Variants in GPC5 observed in about 807,000 individuals in gnomAD.
GPC5 encodes the protein glypican-5.
GPC5 carries 47 observed loss-of-function variants against 53.9 expected under a neutral mutation model. That is an observed-to-expected ratio of 0.87 (90% CI 0.69 to 1.11). The LOEUF (loss-of-function observed/expected upper bound fraction) is 1.11, where lower values mean the gene tolerates loss of function less well. GPC5 is among the 50% of genes most tolerant of loss of function. The pLI is 0.00. For missense variants in GPC5, 748 were observed against 713.1 expected (o/e 1.05, Z -0.56); for synonymous variants, 286 against 263.3 (o/e 1.09, Z -0.84).
chr13:92,389,869 A>G (rs1874914286), intron 7 of GPC5, among the ~76,000 whole-genome samples: 1 of 152,194 alleles, frequency 6.6e-6, no homozygotes, highest in Non-Finnish European at 1.5e-5. Flanking sequence ...CATACATTTA[A>G]GAAAGTATAT....
At chr13:92,805,727 T>C (rs1877073198) in intron 7 of GPC5, among the ~76,000 whole-genome samples, 1 of 152,030 alleles carries the variant, frequency 6.6e-6, no homozygotes, top group Non-Finnish European at 1.5e-5. Flanking sequence ...CATGAGACAC[T>C]GTGCCCATCC....
intron 6 of GPC5, among the ~76,000 whole-genome samples, chr13:92,126,099 C>G (rs1194336333): frequency 6.6e-6 from 1 of 151,486 alleles, no homozygotes; most frequent in Non-Finnish European, 1.5e-5. Flanking sequence ...GGATTATAGG[C>G]ACGTGCCACC....
At chr13:92,575,167 G>T (rs1883151402) in intron 7 of GPC5, among the ~76,000 whole-genome samples, 1 of 152,064 alleles carries the variant, frequency 6.6e-6, no homozygotes, top group Non-Finnish European at 1.5e-5. Flanking sequence ...TTGAATAGTG[G>T]CCACCAAAAA....
intron 1 of GPC5, among the ~76,000 whole-genome samples, chr13:91,428,208 C>G (rs1879190990): frequency 6.6e-6 from 1 of 152,110 alleles, no homozygotes; most frequent in Admixed American, 6.5e-5. Flanking sequence ...GAGTTCTTGT[C>G]TCATGACCAA....
At chr13:91,667,543 A>G (rs2035145517) in intron 2 of GPC5, among the ~76,000 whole-genome samples, 1 of 152,180 alleles carries the variant, frequency 6.6e-6, no homozygotes, top group African/African-American at 2.4e-5. Context: ...TTGAAACTCC[A>G]GAGGGGTGGG....
intron 7 of GPC5, among the ~76,000 whole-genome samples, chr13:92,286,545 C>G (rs1306779458): frequency 6.6e-6 from 1 of 152,070 alleles, no homozygotes. Flanking sequence ...CCATGGAATA[C>G]TATACAGCCA....
At chr13:91,804,736 A>C (rs967331515) in intron 5 of GPC5, among the ~76,000 whole-genome samples, 16 of 152,238 alleles carry the variant, frequency 1.1e-4, no homozygotes. Flanking sequence ...ACAAGGCATT[A>C]TGCCATCTTG....
chr13:91,576,136 G>C (rs1178821210), intron 2 of GPC5, among the ~76,000 whole-genome samples: 2 of 151,952 alleles, frequency 1.3e-5, no homozygotes, highest in Non-Finnish European at 1.5e-5. Context: ...TTGGTCAAAA[G>C]GTACAAAATT....
intron 7 of GPC5, among the ~76,000 whole-genome samples, chr13:92,237,798 A>G (rs913651562): frequency 6.6e-6 from 1 of 152,124 alleles, no homozygotes; most frequent in African/African-American, 2.4e-5. Context: ...CCATAAAGAA[A>G]CAACTTGCCC....
chr13:92,331,516 C>T (rs1053003002), intron 7 of GPC5, among the ~76,000 whole-genome samples: 12 of 152,020 alleles, frequency 7.9e-5, no homozygotes, highest in African/African-American at 2.4e-4. Context: ...AAAATAGCAG[C>T]GACTGAGATA....
intron 7 of GPC5, among the ~76,000 whole-genome samples, chr13:92,637,740 T>C (rs1885453594): frequency 6.6e-6 from 1 of 151,820 alleles, no homozygotes; most frequent in Non-Finnish European, 1.5e-5. Flanking sequence ...ATATCAGGCA[T>C]ACAAACAAGC....
At chr13:92,334,425 T>C (rs2043308647) in intron 7 of GPC5, among the ~76,000 whole-genome samples, 2 of 152,172 alleles carry the variant, frequency 1.3e-5, no homozygotes, top group Non-Finnish European at 2.9e-5. Flanking sequence ...TTAAGGGAGC[T>C]ACAATCTAAG....
At chr13:92,347,038 G>T (rs2043418742) in intron 7 of GPC5, among the ~76,000 whole-genome samples, 1 of 151,998 alleles carries the variant, frequency 6.6e-6, no homozygotes, top group Admixed American at 6.6e-5. Flanking sequence ...AATCCTACAG[G>T]AATTATGGGA....
intron 7 of GPC5, among the ~76,000 whole-genome samples, chr13:92,532,839 T>C (rs1401431006): frequency 6.6e-6 from 1 of 152,134 alleles, no homozygotes; most frequent in African/African-American, 2.4e-5. Flanking sequence ...AAAAAGAACA[T>C]CTTTTGCAAA....
At chr13:91,955,764 G>T (rs2040067303) in intron 6 of GPC5, among the ~76,000 whole-genome samples, 1 of 152,164 alleles carries the variant, frequency 6.6e-6, no homozygotes, top group African/African-American at 2.4e-5. Flanking sequence ...TTAAGCAGCT[G>T]CAGCATGGTG....
rs1181388896 is a variant in GPC5 at position 92,619,079 on chromosome 13, C to G, written c.1562-247203C>G. 2.6e-5 allele frequency among the ~76,000 whole-genome samples: 4 copies of G among 151,984 alleles called. No individual in the cohort carries two copies. The South Asian group carries it at 8.3e-4, about 32-fold the overall frequency. ...CGTTAATTTTCTCAAAGCTAAATTA[C>G]TCACTTTGTGTTTAAAATAATAAAG... On this transcript the variant is annotated intron_variant, in intron 7 of 7. Coordinates refer to ENST00000377067, the MANE Select transcript of GPC5 (RefSeq NM_004466.6).
At chr13:92,828,780 A>G (rs919976357) in intron 7 of GPC5, among the ~76,000 whole-genome samples, 1 of 152,156 alleles carries the variant, frequency 6.6e-6, no homozygotes, top group Non-Finnish European at 1.5e-5. Flanking sequence ...CTAAAATTTC[A>G]TAAGCACAGC....
At chr13:92,289,837 T>C (rs1329941706) in intron 7 of GPC5, among the ~76,000 whole-genome samples, 1 of 152,022 alleles carries the variant, frequency 6.6e-6, no homozygotes, top group African/African-American at 2.4e-5. Context: ...TTTTATTTTA[T>C]ATACATTTTT....
chr13:91,991,261 T>C (rs548660816), intron 6 of GPC5, among the ~76,000 whole-genome samples: 2 of 152,296 alleles, frequency 1.3e-5, no homozygotes, highest in South Asian at 4.1e-4. Flanking sequence ...GTCTCTAAAG[T>C]GAAAGGACTA....
Sources: gnomAD v4.1 joint callset for allele counts (sites outside exome capture counted in the v4.1 genomes callset) on GRCh38, gnomAD v4.1.1 for gene constraint, MANE v1.5 for transcripts, NCBI Gene and HGNC (gene_info 2026-07-23, HGNC 2026-07-21) for gene names.